The following FCHO2 variants were observed in gnomAD, a reference collection of about 807,000 sequenced individuals.
FCHO2 encodes the protein F-BAR domain only protein 2.
FCHO2 carries 43 observed loss-of-function variants against 114.1 expected under a neutral mutation model. That is an observed-to-expected ratio of 0.38 (90% confidence interval 0.30 to 0.49). The LOEUF (loss-of-function observed/expected upper bound fraction) is 0.49. Among genes scored for constraint, FCHO2 ranks in the 20% least tolerant of loss-of-function variants. The pLI is 0.97. For synonymous variants in FCHO2, 293 were observed against 315.2 expected (o/e 0.93, Z 0.75); for missense variants, 807 against 950.4 (o/e 0.85, Z 1.98).
intron 2 of FCHO2, among the ~76,000 whole-genome samples, chr5:72,982,345 G>A (rs1753257653): frequency 1.3e-5 from 2 of 152,292 alleles, no homozygotes; most frequent in South Asian, 4.1e-4. Flanking sequence ...GACTGGAGCT[G>A]TTCCTATTCA....
chr5:73,030,015 G>A (rs1388488534), intron 8 of FCHO2, among the ~76,000 whole-genome samples: 1 of 151,358 alleles, frequency 6.6e-6, no homozygotes, highest in African/African-American at 2.4e-5. Flanking sequence ...TTTATGTACA[G>A]AAATTGATTT....
chr5:72,984,216 A>G (rs1753385102), intron 2 of FCHO2, among the ~76,000 whole-genome samples: 1 of 152,180 alleles, frequency 6.6e-6, no homozygotes, highest in Non-Finnish European at 1.5e-5. Flanking sequence ...TCAACTTCCC[A>G]TTCTTGGTCT....
At chr5:73,025,663 G>A (rs1755875846) in intron 8 of FCHO2, among the ~76,000 whole-genome samples, 1 of 152,096 alleles carries the variant, frequency 6.6e-6, no homozygotes, top group African/African-American at 2.4e-5. Flanking sequence ...ATAGGTGTGA[G>A]CCACTGTGCC....
intron 2 of FCHO2, among the ~76,000 whole-genome samples, chr5:72,979,083 G>A (rs968659047): frequency 8.5e-5 from 13 of 152,118 alleles, no homozygotes; most frequent in African/African-American, 3.1e-4. Context: ...TTGTGTGTGT[G>A]TGTCTTTGCC....
chr5:72,990,906 CT>C (rs1394593780), intron 5 of FCHO2, 42 bp downstream of exon 5: 16 of 1,505,826 alleles, frequency 1.1e-5, no homozygotes, highest in Non-Finnish European at 1.4e-5. Context: ...TTCAAAGCAC[CT>C]TGACATACAA....
At chr5:73,021,327 G>T in intron 8 of FCHO2, 1 of 415,536 alleles carries the variant, frequency 2.4e-6, no homozygotes, top group Non-Finnish European at 4.5e-6. Context: ...AAGTGATGGC[G>T]ACAGGAGGGA....
intron 5 of FCHO2, among the ~76,000 whole-genome samples, chr5:73,004,462 T>G (rs1191036794): frequency 6.6e-6 from 1 of 152,164 alleles, no homozygotes; most frequent in African/African-American, 2.4e-5. Flanking sequence ...TCAATACAAC[T>G]CAGTAACTCG....
At position 73,088,997 on chromosome 5, in the gene FCHO2, A is replaced by T. The variant is rs1743400439; in HGVS notation, c.*907A>T. 2.6e-5 allele frequency: 4 copies of T among 152,532 alleles called. No individual in the cohort carries two copies. In the South Asian group the frequency reaches 8.3e-4, roughly 32 times the overall value. The allele number at this position is 152,532 out of a possible 1,614,324, so 9.4% of individuals were successfully genotyped here. A position where few individuals can be genotyped will look rare whatever the true frequency, so the allele number is the denominator to read the frequency against. ...TAAGATATTTGCAATTTTTGTAAAT[A>T]TTTTTGGCCTGCAACTGGGAAGGGG... On this transcript the variant is annotated 3_prime_UTR_variant, in exon 26 of 26. Transcript: ENST00000430046.
chr5:73,020,753 TAAC>T, intron 8 of FCHO2: 1 of 1,147,508 alleles, frequency 8.7e-7, no homozygotes, highest in Non-Finnish European at 1.3e-6. Context: ...TCCAAAACCT[TAAC>T]AAATTCTGTG....
In FCHO2 at chr5:73,074,701, T is replaced by G. The variant is rs551738497; in HGVS notation, c.1580-41T>G. The G allele has an allele frequency of 5.2e-6, 8 of 1,542,048 alleles. No homozygotes were observed. In the South Asian group the frequency reaches 9.4e-5, roughly 18 times the overall value. On this transcript the variant is annotated intron_variant, in intron 19 of 25. Transcript: ENST00000430046. ...TAACTATCTTGATATTTAATTTATG[T>G]CTTTCTGAAGGATTTAACAAGTTAA...
At chr5:73,009,823 C>T (rs972010322) in intron 6 of FCHO2, among the ~76,000 whole-genome samples, 4 of 152,096 alleles carry the variant, frequency 2.6e-5, no homozygotes, top group African/African-American at 9.7e-5. Flanking sequence ...TCACAGGCAC[C>T]GTGCCAGCCC....
In FCHO2 at chr5:73,014,272, TTTTTTCTTTTTTTTC is replaced by T. The variant is rs1196872623; in HGVS notation, c.601-1339_601-1325del. Among the ~76,000 whole-genome samples, 12 of 151,450 alleles carry T rather than the reference TTTTTTCTTTTTTTTC, an allele frequency of 7.9e-5. No homozygotes were observed. The South Asian group carries it at 2.1e-3, about 26-fold the overall frequency. ...TTTGGGGATTGTATATTATTATTTC[TTTTTTCTTTTTTTTC>T]TTTTTCTTTTTTTTTTTTTGAGATG... On this transcript the variant is annotated intron_variant, in intron 6 of 25. Coordinates refer to ENST00000430046, the MANE Select transcript of FCHO2 (RefSeq NM_138782.3).
At chr5:72,983,832 T>C (rs1233003639) in intron 2 of FCHO2, among the ~76,000 whole-genome samples, 1 of 152,098 alleles carries the variant, frequency 6.6e-6, no homozygotes, top group Non-Finnish European at 1.5e-5. Context: ...TAATGTTGCC[T>C]TGAATAGTTT....
At chr5:72,987,827 C>T (rs904746007) in intron 2 of FCHO2, among the ~76,000 whole-genome samples, 1 of 152,148 alleles carries the variant, frequency 6.6e-6, no homozygotes, top group South Asian at 2.1e-4. Context: ...GAGGCAGTTA[C>T]TGTTAATATT....
Position 73,078,324 on chromosome 5 carries a change from G to A in FCHO2, c.1980+12G>A, listed in dbSNP as rs201303773. On this transcript the variant is annotated intron_variant, in intron 22 of 25. Coordinates refer to ENST00000430046, the MANE Select transcript of FCHO2 (RefSeq NM_138782.3). ...TATTAAAGTATCAGGTGAGTGTCACGACATTGCAAAAATTCTAAATTAAAA... is the reference window on the plus strand; with the variant it reads ...TATTAAAGTATCAGGTGAGTGTCACAACATTGCAAAAATTCTAAATTAAAA... 4.4e-4 allele frequency: 690 copies of A among 1,576,966 alleles called. 5 individuals are homozygous for A. In the South Asian group the frequency reaches 7.8e-3, roughly 18 times the overall value.
At chr5:73,074,953 T>A (rs1016553361) in intron 20 of FCHO2, 100 bp downstream of exon 20, 1 of 931,192 alleles carries the variant, frequency 1.1e-6, no homozygotes, top group African/African-American at 1.7e-5. Flanking sequence ...ATTTTGATTC[T>A]GTGTAGATTA....
chr5:73,037,663 T>C (rs1756587740), intron 10 of FCHO2: 18 of 290,668 alleles, frequency 6.2e-5, no homozygotes, highest in South Asian at 4.9e-4. Context: ...TGGAAAATGT[T>C]AAATAGGGGA....
At chr5:72,989,686 T>C (rs1753721558) in intron 3 of FCHO2, among the ~76,000 whole-genome samples, 185 bp downstream of exon 3, 1 of 152,188 alleles carries the variant, frequency 6.6e-6, no homozygotes, top group Non-Finnish European at 1.5e-5. Flanking sequence ...AATCAGTCAA[T>C]GCAGTCAAAA....
intron 1 of FCHO2, among the ~76,000 whole-genome samples, chr5:72,964,230 A>G (rs1328514791): frequency 6.6e-6 from 1 of 152,184 alleles, no homozygotes; most frequent in Non-Finnish European, 1.5e-5. Flanking sequence ...GAGGTGAACT[A>G]TAATATAAAA....
Sources: allele counts gnomAD v4.1 joint callset (sites outside exome capture counted in the v4.1 genomes callset), GRCh38; gene constraint gnomAD v4.1.1; transcripts MANE v1.5; gene names NCBI Gene and HGNC (gene_info 2026-07-23, HGNC 2026-07-21).